The following XKR4 variants were observed in gnomAD, a reference collection of about 807,000 sequenced individuals.
XKR4 encodes XK-related protein 4.
XKR4 carries 12 observed loss-of-function variants against 53.9 expected under a neutral mutation model. The ratio of observed to expected loss-of-function variants is 0.22; its 90% CI spans 0.14 to 0.36. The LOEUF (loss-of-function observed/expected upper bound fraction) is 0.36, where lower values mean the gene tolerates loss of function less well. Ranked by LOEUF, XKR4 falls within the 10% of genes least tolerant of loss-of-function variation. XKR4 has a pLI of 1.00. For missense variants in XKR4, 799 were observed against 859.5 expected, an observed-to-expected ratio of 0.93 and a Z score of 0.88; for synonymous variants, 354 against 362.4, an observed-to-expected ratio of 0.98 and a Z score of 0.26.
At chr8:55,292,934 G>A (rs1016644596) in intron 1 of XKR4, among the ~76,000 whole-genome samples, 3 of 152,130 alleles carry the variant, frequency 2.0e-5, no homozygotes, top group Non-Finnish European at 2.9e-5. Context: ...CCATGTGTTT[G>A]GAGGTTTCCC....
At chr8:55,190,507 T>C (rs936927724) in intron 1 of XKR4, among the ~76,000 whole-genome samples, 5 of 152,244 alleles carry the variant, frequency 3.3e-5, no homozygotes, top group African/African-American at 1.2e-4. Flanking sequence ...TGTACATTCC[T>C]GGGCCAACTA....
rs963848276 is a variant in XKR4 at position 55,531,486 on chromosome 8, C to T, written c.*7259C>T. 7 of 151,172 alleles carry T rather than the reference C, an allele frequency of 4.6e-5. No homozygotes were observed. Among genetic ancestry groups the T allele is most frequent in the Admixed American group, 6.6e-5 (1 of 15,202 alleles). 9.4% of individuals were successfully genotyped at this position (151,172 alleles called of 1,614,324 possible). A position where few individuals can be genotyped will look rare whatever the true frequency, so the allele number is the denominator to read the frequency against. ...TAACATATGAAATAATGATGATGAACATAAAGTAACAATACAAATACAAAA... is the reference window on the plus strand; with the variant it reads ...TAACATATGAAATAATGATGATGAATATAAAGTAACAATACAAATACAAAA... On this transcript the variant is annotated 3_prime_UTR_variant, in exon 3 of 3. Coordinates refer to ENST00000327381, the MANE Select transcript of XKR4 (RefSeq NM_052898.2).
At chr8:55,509,813 C>T (rs1806598762) in intron 2 of XKR4, among the ~76,000 whole-genome samples, 1 of 152,162 alleles carries the variant, frequency 6.6e-6, no homozygotes, top group Non-Finnish European at 1.5e-5. Context: ...GTCTGATCAT[C>T]TGTTCTTTCG....
chr8:55,249,558 G>A (rs369808444), intron 1 of XKR4, among the ~76,000 whole-genome samples: 6 of 152,220 alleles, frequency 3.9e-5, no homozygotes, highest in East Asian at 1.9e-4. Context: ...ATGGATTTAC[G>A]GTTTCAAATT....
chr8:55,253,134 C>A (rs1818383671), intron 1 of XKR4, among the ~76,000 whole-genome samples: 1 of 152,130 alleles, frequency 6.6e-6, no homozygotes, highest in African/African-American at 2.4e-5. Flanking sequence ...GAAACAGAAA[C>A]TGTTTTGAAA....
Position 55,537,480 on chromosome 8 carries a change from A to G in XKR4, c.*13253A>G, listed in dbSNP as rs1393413148. ...AAGCTATTCAGACCAGTTTTCTTTA[A>G]GAGCACTTATGTTGCAGAACATGAT... On this transcript the variant is annotated 3_prime_UTR_variant, in exon 3 of 3. Transcript: ENST00000327381. The G allele has an allele frequency of 6.6e-6, 1 of 152,254 alleles. No individual in the cohort carries two copies. Among genetic ancestry groups the G allele is most frequent in the Non-Finnish European group, 1.5e-5 (1 of 68,052 alleles). The allele number at this position is 152,254 out of a possible 1,614,324, so 9.4% of individuals were successfully genotyped here.
chr8:55,133,126 T>C (rs576570295), intron 1 of XKR4, among the ~76,000 whole-genome samples: 9 of 152,322 alleles, frequency 5.9e-5, no homozygotes, highest in Non-Finnish European at 1.3e-4. Flanking sequence ...TCTTGTTCAT[T>C]TCATTTATCT....
intron 1 of XKR4, among the ~76,000 whole-genome samples, chr8:55,265,533 G>A (rs1448818827): frequency 6.6e-6 from 1 of 152,132 alleles, no homozygotes; most frequent in Non-Finnish European, 1.5e-5. Flanking sequence ...TAAGTAGGGT[G>A]TAAAAACCAT....
At chr8:55,278,907 C>T (rs1032756164) in intron 1 of XKR4, among the ~76,000 whole-genome samples, 5 of 152,016 alleles carry the variant, frequency 3.3e-5, no homozygotes, top group African/African-American at 7.2e-5. Context: ...CTAACTCATG[C>T]GCACCTCAGG....
intron 1 of XKR4, 83 bp downstream of exon 1, chr8:55,103,377 G>T: frequency 6.6e-7 from 1 of 1,512,168 alleles, no homozygotes. Flanking sequence ...AAATCTTTCA[G>T]GGTTGCTTTG....
intron 1 of XKR4, among the ~76,000 whole-genome samples, chr8:55,221,970 T>A (rs1324439338): frequency 6.6e-6 from 1 of 152,186 alleles, no homozygotes; most frequent in Non-Finnish European, 1.5e-5. Flanking sequence ...TGAATTGGAA[T>A]GAGTGAATTC....
At chr8:55,506,088 G>A (rs1191412077) in intron 2 of XKR4, among the ~76,000 whole-genome samples, 1 of 152,210 alleles carries the variant, frequency 6.6e-6, no homozygotes, top group African/African-American at 2.4e-5. Context: ...GTAATTGAAA[G>A]ACAGAATGAG....
At chr8:55,169,541 T>A (rs2129358267) in intron 1 of XKR4, among the ~76,000 whole-genome samples, 1 of 152,326 alleles carries the variant, frequency 6.6e-6, no homozygotes, top group South Asian at 2.1e-4. Flanking sequence ...ACCCAGCATC[T>A]TATCCTGGAT....
intron 2 of XKR4, among the ~76,000 whole-genome samples, chr8:55,477,008 A>G (rs940123297): frequency 2.0e-5 from 3 of 152,126 alleles, no homozygotes; most frequent in Non-Finnish European, 2.9e-5. Context: ...ACCTCTGCAG[A>G]CAAAAATGTC....
At chr8:55,307,366 G>A (rs1819318496) in intron 1 of XKR4, among the ~76,000 whole-genome samples, 1 of 152,190 alleles carries the variant, frequency 6.6e-6, no homozygotes, top group South Asian at 2.1e-4. Context: ...GCATATACAG[G>A]AGGGGTGCAG....
intron 2 of XKR4, among the ~76,000 whole-genome samples, chr8:55,372,200 G>A (rs16921663): frequency 0.021 from 3,258 of 152,302 alleles, 103 homozygotes; most frequent in African/African-American, 0.07. Flanking sequence ...TGTCTGCAAG[G>A]AATGGTGCCC....
chr8:55,470,476 C>T (rs1419054320), intron 2 of XKR4, among the ~76,000 whole-genome samples: 1 of 152,138 alleles, frequency 6.6e-6, no homozygotes. Context: ...CTTCTCTTGT[C>T]TGCCGCCACG....
chr8:55,501,685 C>T (rs1007765842), intron 2 of XKR4, among the ~76,000 whole-genome samples: 12 of 150,640 alleles, frequency 8.0e-5, no homozygotes, highest in African/African-American at 2.4e-4. Context: ...TAAATACATA[C>T]ATATATATAT....
At chr8:55,408,852 C>T (rs1166783089) in intron 2 of XKR4, among the ~76,000 whole-genome samples, 1 of 151,928 alleles carries the variant, frequency 6.6e-6, no homozygotes, top group Non-Finnish European at 1.5e-5. Context: ...ACCAAATATA[C>T]AAAAATTAGC....
Sources: allele counts gnomAD v4.1 joint callset (sites outside exome capture counted in the v4.1 genomes callset), GRCh38; gene constraint gnomAD v4.1.1; transcripts MANE v1.5; gene names NCBI Gene and HGNC (gene_info 2026-07-23, HGNC 2026-07-21).